BTBD9: variants seen among roughly 807,000 people sequenced by gnomAD.
BTBD9 encodes BTB domain containing 9, also known as BTB/POZ domain-containing protein 9.
Under a neutral mutation model 64.3 loss-of-function variants are expected in BTBD9, and 49 were observed. The ratio of observed to expected loss-of-function variants is 0.76; its 90% CI spans 0.61 to 0.97. BTBD9 has a LOEUF of 0.97. Among genes scored for constraint, BTBD9 ranks in the 50% least tolerant of loss-of-function variants. The probability of loss-of-function intolerance (pLI) is 0.00; values close to 1 mark genes in which losing one functional copy is unlikely to be tolerated. For missense variants in BTBD9, 598 were observed against 762.1 expected (o/e 0.78, Z 2.53); for synonymous variants, 260 against 274.7 (o/e 0.95, Z 0.53).
intron 7 of BTBD9, among the ~76,000 whole-genome samples, chr6:38,296,380 T>A (rs1370939863): frequency 6.6e-6 from 1 of 152,154 alleles, no homozygotes; most frequent in African/African-American, 2.4e-5. Flanking sequence ...TTATCTATTT[T>A]ATTAGTGCTC....
At chr6:38,324,051 T>C (rs7768902) in intron 7 of BTBD9, among the ~76,000 whole-genome samples, 15,546 of 152,194 alleles carry the variant, frequency 0.1, 885 homozygotes, top group African/African-American at 0.13. Flanking sequence ...TGCAGTGAGC[T>C]TTGATCATGC....
chr6:38,525,842 G>A (rs183309170), intron 6 of BTBD9, among the ~76,000 whole-genome samples: 98 of 152,240 alleles, frequency 6.4e-4, no homozygotes, highest in Non-Finnish European at 1.1e-3. Context: ...GCTTCTAATC[G>A]TGCATGCTCA....
intron 9 of BTBD9, among the ~76,000 whole-genome samples, chr6:38,232,967 C>T: frequency 6.6e-6 from 1 of 152,180 alleles, no homozygotes; most frequent in Middle Eastern, 3.2e-3. Flanking sequence ...CACTGAGGAG[C>T]TGGGCCAACT....
intron 6 of BTBD9, among the ~76,000 whole-genome samples, chr6:38,536,132 T>A (rs1183900403): frequency 6.6e-6 from 1 of 151,748 alleles, no homozygotes; most frequent in East Asian, 1.9e-4. Context: ...AATAAGGAGC[T>A]CAAACAACTC....
intron 1 of BTBD9, among the ~76,000 whole-genome samples, chr6:38,600,255 C>T (rs1777195350): frequency 2.0e-5 from 3 of 152,126 alleles, no homozygotes; most frequent in Admixed American, 2.0e-4. Context: ...AAGGCAGCCA[C>T]AGGAAATAAG....
intron 6 of BTBD9, among the ~76,000 whole-genome samples, chr6:38,358,014 G>T (rs989223317): frequency 6.6e-6 from 1 of 152,012 alleles, no homozygotes; most frequent in Middle Eastern, 3.4e-3. Flanking sequence ...TTTGTTAGCC[G>T]GTCTCTCTCT....
intron 6 of BTBD9, among the ~76,000 whole-genome samples, chr6:38,576,507 T>C (rs1776040647): frequency 6.6e-6 from 1 of 152,342 alleles, no homozygotes; most frequent in African/African-American, 2.4e-5. Flanking sequence ...TTTGTGAAGT[T>C]CCTTAGTGGA....
intron 8 of BTBD9, among the ~76,000 whole-genome samples, chr6:38,284,245 A>C (rs1761632222): frequency 6.6e-6 from 1 of 152,072 alleles, no homozygotes; most frequent in Non-Finnish European, 1.5e-5. Context: ...GCTGAGATAC[A>C]CAATTCTGCC....
intron 7 of BTBD9, among the ~76,000 whole-genome samples, chr6:38,340,232 GCAAA>G (rs1764046088): frequency 2.6e-5 from 4 of 152,146 alleles, no homozygotes; most frequent in Non-Finnish European, 2.9e-5. Flanking sequence ...AGAAATAGCA[GCAAA>G]CACAGTAGCA....
intron 8 of BTBD9, among the ~76,000 whole-genome samples, chr6:38,269,970 C>T (rs1258370348): frequency 1.3e-5 from 2 of 152,134 alleles, no homozygotes; most frequent in African/African-American, 4.8e-5. Context: ...CGTACAGAAA[C>T]CAGGCTTTCC....
At chr6:38,456,334 G>A (rs1769805210) in intron 6 of BTBD9, among the ~76,000 whole-genome samples, 2 of 152,148 alleles carry the variant, frequency 1.3e-5, no homozygotes, top group African/African-American at 4.8e-5. Flanking sequence ...TTCTTATTCA[G>A]GTTTTTGTGT....
At chr6:38,319,271 A>G (rs1763140590) in intron 7 of BTBD9, among the ~76,000 whole-genome samples, 1 of 152,190 alleles carries the variant, frequency 6.6e-6, no homozygotes, top group Admixed American at 6.5e-5. Flanking sequence ...CTAAGCTGGT[A>G]CCTAAGCTGC....
chr6:38,342,315 C>T (rs1232760959), intron 7 of BTBD9, among the ~76,000 whole-genome samples: 2 of 151,896 alleles, frequency 1.3e-5, no homozygotes, highest in African/African-American at 2.4e-5. Flanking sequence ...GCAGGTGGAT[C>T]ACCTGAGGTC....
chr6:38,374,996 CAT>C (rs1765627931), intron 6 of BTBD9, among the ~76,000 whole-genome samples: 1 of 152,222 alleles, frequency 6.6e-6, no homozygotes, highest in Non-Finnish European at 1.5e-5. Flanking sequence ...AGTTGTCTTT[CAT>C]ATGTTTCTGT....
chr6:38,490,966 A>G (rs1365567184), intron 6 of BTBD9, among the ~76,000 whole-genome samples: 2 of 152,176 alleles, frequency 1.3e-5, no homozygotes, highest in African/African-American at 4.8e-5. Context: ...GGGGATTATA[A>G]ATGTTGGATA....
rs1554130232 is a variant in BTBD9 at position 38,228,351 on chromosome 6, C to CAAA, written c.1562+28055_1562+28057dup. Reference sequence around the variant, plus strand: ...CAGGGCAAGACCCTGTCCCCCCCCCCAAAAAAAAAAAAAAAAAAAGAGAGA... The same window carrying CAAA: ...CAGGGCAAGACCCTGTCCCCCCCCCCAAAAAAAAAAAAAAAAAAAAAAGAGAGA... On this transcript the variant is annotated intron_variant, in intron 9 of 10. Transcript: ENST00000481247. Among the ~76,000 whole-genome samples, 208 of 28,272 alleles carry CAAA rather than the reference C, an allele frequency of 7.4e-3. 2 individuals are homozygous for CAAA. The highest frequency in any genetic ancestry group is 0.029 in the East Asian group (38 of 1,300). 18.5% of individuals were successfully genotyped at this position (28,272 alleles called of 152,430 possible). A position where few individuals can be genotyped will look rare whatever the true frequency, so the allele number is the denominator to read the frequency against.
At chr6:38,481,521 C>T (rs915693601) in intron 6 of BTBD9, among the ~76,000 whole-genome samples, 1 of 152,170 alleles carries the variant, frequency 6.6e-6, no homozygotes, top group South Asian at 2.1e-4. Context: ...GGGTGAGCAG[C>T]TCTGCTCACG....
At chr6:38,401,126 C>T (rs1766908635) in intron 6 of BTBD9, among the ~76,000 whole-genome samples, 1 of 152,088 alleles carries the variant, frequency 6.6e-6, no homozygotes, top group South Asian at 2.1e-4. Context: ...AATTGTAATC[C>T]CCACATGTCA....
At chr6:38,461,778 C>A (rs1011753997) in intron 6 of BTBD9, among the ~76,000 whole-genome samples, 4 of 152,178 alleles carry the variant, frequency 2.6e-5, no homozygotes, top group Non-Finnish European at 5.9e-5. Context: ...TAGATTCCCA[C>A]CAACAGAGCA....
Sources: gnomAD v4.1 joint callset for allele counts (sites outside exome capture counted in the v4.1 genomes callset) on GRCh38, gnomAD v4.1.1 for gene constraint, MANE v1.5 for transcripts, NCBI Gene and HGNC (gene_info 2026-07-23, HGNC 2026-07-21) for gene names.